GRM8: variants seen among roughly 807,000 people sequenced by gnomAD.
GRM8 encodes metabotropic glutamate receptor 8.
Under a neutral mutation model 87.2 loss-of-function variants are expected in GRM8, and 47 were observed. The observed-to-expected ratio is 0.54, with a 90% CI of 0.43 to 0.69. The LOEUF is 0.69. GRM8 is among the 30% of genes least tolerant of loss of function. The probability of loss-of-function intolerance (pLI) is 0.00; values close to 1 mark genes in which losing one functional copy is unlikely to be tolerated. For missense variants in GRM8, 1,019 were observed against 1,139.2 expected (o/e 0.89, Z 1.52); for synonymous variants, 396 against 404.5 (o/e 0.98, Z 0.25).
chr7:126,664,535 T>C (rs2151289372), intron 7 of GRM8, among the ~76,000 whole-genome samples: 1 of 152,268 alleles, frequency 6.6e-6, no homozygotes, highest in Non-Finnish European at 1.5e-5. Flanking sequence ...AGGCTCCCTG[T>C]TCAATATATG....
intron 7 of GRM8, among the ~76,000 whole-genome samples, chr7:126,633,775 T>TATATGTCCCATATAA (rs1563038255): frequency 6.8e-6 from 1 of 147,254 alleles, no homozygotes; most frequent in Non-Finnish European, 1.5e-5. Context: ...TTAATCTATT[T>TATATGTCCCATATAA]ATATGTACCA....
At chr7:126,831,459 G>T (rs1312494975) in intron 6 of GRM8, among the ~76,000 whole-genome samples, 1 of 152,202 alleles carries the variant, frequency 6.6e-6, no homozygotes, top group Non-Finnish European at 1.5e-5. Context: ...TCAGATTGCT[G>T]TGCTAGCAAT....
intron 9 of GRM8, among the ~76,000 whole-genome samples, chr7:126,523,779 G>A (rs1294953255): frequency 2.0e-5 from 3 of 152,042 alleles, no homozygotes; most frequent in East Asian, 1.9e-4. Context: ...TTACAGGCAT[G>A]AGCCACCATG....
intron 7 of GRM8, among the ~76,000 whole-genome samples, chr7:126,642,656 T>C (rs1395104054): frequency 6.6e-6 from 1 of 151,560 alleles, no homozygotes; most frequent in Admixed American, 6.6e-5. Flanking sequence ...ATAATAATAA[T>C]AACAATAATA....
Position 126,513,926 on chromosome 7 carries a change from G to A in GRM8, c.2430+19026C>T, listed in dbSNP as rs192978923. On this transcript the variant is annotated intron_variant, in intron 9 of 10. Coordinates refer to ENST00000339582, the MANE Select transcript of GRM8 (RefSeq NM_000845.3). ...AACTGCCTACATGTAGCTTTTTATC[G>A]GAGTTCTTTTTAGGTGTTTCAAGAA... Among the ~76,000 whole-genome samples the A allele has an allele frequency of 2.4e-3, 369 of 151,606 alleles. 2 individuals are homozygous for A. The highest frequency in any genetic ancestry group is 8.3e-3 in the African/African-American group (345 of 41,402).
chr7:127,156,974 A>G (rs1287737537), intron 2 of GRM8, among the ~76,000 whole-genome samples: 2 of 152,202 alleles, frequency 1.3e-5, no homozygotes, highest in Non-Finnish European at 2.9e-5. Context: ...AAAAGAAAAA[A>G]GATATAAAGT....
At chr7:127,153,916 C>T (rs1231450974) in intron 2 of GRM8, among the ~76,000 whole-genome samples, 2 of 152,130 alleles carry the variant, frequency 1.3e-5, no homozygotes. Flanking sequence ...CTCGATTTTA[C>T]ATTCAAGGTA....
chr7:126,646,910 G>C (rs1413621084), intron 7 of GRM8, among the ~76,000 whole-genome samples: 2 of 152,150 alleles, frequency 1.3e-5, no homozygotes, highest in Non-Finnish European at 2.9e-5. Flanking sequence ...GAGGAAGAGA[G>C]ATGGTTGTCC....
intron 3 of GRM8, among the ~76,000 whole-genome samples, chr7:127,098,534 T>C (rs1454171978): frequency 6.6e-6 from 1 of 152,120 alleles, no homozygotes; most frequent in Non-Finnish European, 1.5e-5. Flanking sequence ...GTTTCAATTG[T>C]ACACTAGGGA....
chr7:126,780,138 A>G (rs1208431075), intron 6 of GRM8, among the ~76,000 whole-genome samples: 1 of 152,232 alleles, frequency 6.6e-6, no homozygotes, highest in Non-Finnish European at 1.5e-5. Context: ...ATATTCATAT[A>G]TTCAATTACT....
intron 2 of GRM8, among the ~76,000 whole-genome samples, chr7:127,121,631 G>C (rs184888554): frequency 5.9e-5 from 9 of 152,276 alleles, no homozygotes; most frequent in South Asian, 4.1e-4. Flanking sequence ...AGGAAGGATG[G>C]CTGGGAGGCC....
intron 3 of GRM8, among the ~76,000 whole-genome samples, chr7:127,024,665 T>A (rs1311510394): frequency 6.6e-6 from 1 of 152,082 alleles, no homozygotes; most frequent in Non-Finnish European, 1.5e-5. Flanking sequence ...TCCCAGAAAT[T>A]GATCCCTGAC....
chr7:127,212,081 C>A (rs1436513431), intron 2 of GRM8, among the ~76,000 whole-genome samples: 1 of 152,184 alleles, frequency 6.6e-6, no homozygotes, highest in Non-Finnish European at 1.5e-5. Context: ...AATAGTCACA[C>A]CCCTATTTTT....
At chr7:126,717,945 G>A (rs1385060255) in intron 7 of GRM8, among the ~76,000 whole-genome samples, 2 of 152,056 alleles carry the variant, frequency 1.3e-5, no homozygotes, top group South Asian at 2.1e-4. Flanking sequence ...TAATAACTTC[G>A]GTGTTGGCCG....
intron 3 of GRM8, among the ~76,000 whole-genome samples, chr7:127,078,787 C>T (rs1270917702): frequency 1.4e-4 from 21 of 152,134 alleles, no homozygotes; most frequent in Non-Finnish European, 1.3e-4. Flanking sequence ...ACATAAATGC[C>T]AATTTTTCTT....
At chr7:127,000,584 C>T (rs1019480051) in intron 3 of GRM8, among the ~76,000 whole-genome samples, 13 of 151,584 alleles carry the variant, frequency 8.6e-5, no homozygotes, top group African/African-American at 2.7e-4. Flanking sequence ...AGGTGGCATA[C>T]GCCAGATGCA....
At chr7:126,733,205 A>G (rs1026174967) in intron 7 of GRM8, among the ~76,000 whole-genome samples, 7 of 152,104 alleles carry the variant, frequency 4.6e-5, no homozygotes, top group African/African-American at 1.7e-4. Context: ...ATAAAGTGAT[A>G]AAGTGAAAAC....
intron 8 of GRM8, among the ~76,000 whole-genome samples, chr7:126,597,344 T>C (rs1395703436): frequency 6.6e-6 from 1 of 152,102 alleles, no homozygotes; most frequent in Non-Finnish European, 1.5e-5. Context: ...TAATATACAA[T>C]ACTTTTCAGT....
At chr7:126,796,397 A>G (rs1821955261) in intron 6 of GRM8, among the ~76,000 whole-genome samples, 1 of 152,154 alleles carries the variant, frequency 6.6e-6, no homozygotes, top group African/African-American at 2.4e-5. Flanking sequence ...GATTTTGATG[A>G]TAATTAATCC....
Sources: gnomAD v4.1 joint callset for allele counts (sites outside exome capture counted in the v4.1 genomes callset) on GRCh38, gnomAD v4.1.1 for gene constraint, MANE v1.5 for transcripts, NCBI Gene and HGNC (gene_info 2026-07-23, HGNC 2026-07-21) for gene names.